Variants in ERBB4 observed in about 807,000 individuals in gnomAD.
The protein encoded by ERBB4 is receptor tyrosine-protein kinase erbB-4.
ERBB4 carries 42 observed loss-of-function variants against 158.0 expected under a neutral mutation model. The ratio of observed to expected loss-of-function variants is 0.27; its 90% CI spans 0.21 to 0.34. The LOEUF (loss-of-function observed/expected upper bound fraction) is 0.34. ERBB4 is among the 10% of genes least tolerant of loss of function. The pLI is 1.00. For synonymous variants in ERBB4, 583 were observed against 558.7 expected, an observed-to-expected ratio of 1.04 and a Z score of -0.61; for missense variants, 1,333 against 1,624.1, an observed-to-expected ratio of 0.82 and a Z score of 3.08.
At chr2:211,838,914 T>C (rs897995358) in intron 3 of ERBB4, among the ~76,000 whole-genome samples, 1 of 152,064 alleles carries the variant, frequency 6.6e-6, no homozygotes, top group South Asian at 2.1e-4. Context: ...AGCTATTTTC[T>C]AAGCATCCTA....
At chr2:212,136,565 C>T (rs1418009202) in intron 1 of ERBB4, among the ~76,000 whole-genome samples, 3 of 152,166 alleles carry the variant, frequency 2.0e-5, no homozygotes, top group Non-Finnish European at 4.4e-5. Flanking sequence ...AAACAAACTC[C>T]ATGAGGGGCA....
chr2:212,449,918 C>T (rs2092420810), intron 1 of ERBB4, among the ~76,000 whole-genome samples: 1 of 152,034 alleles, frequency 6.6e-6, no homozygotes, highest in Non-Finnish European at 1.5e-5. Context: ...TTTTTGTAAG[C>T]TTATTGTAAT....
At chr2:211,803,881 A>C (rs1422143920) in intron 3 of ERBB4, among the ~76,000 whole-genome samples, 1 of 152,208 alleles carries the variant, frequency 6.6e-6, no homozygotes, top group Non-Finnish European at 1.5e-5. Context: ...AAAGGGAGGC[A>C]GTTATACAGT....
chr2:212,473,941 G>A (rs975132609), intron 1 of ERBB4, among the ~76,000 whole-genome samples: 5 of 151,800 alleles, frequency 3.3e-5, no homozygotes, highest in African/African-American at 1.2e-4. Context: ...TCCTGAATAG[G>A]AAAAAAGGTG....
chr2:212,369,577 T>C (rs2106380145), intron 1 of ERBB4, among the ~76,000 whole-genome samples: 1 of 152,318 alleles, frequency 6.6e-6, no homozygotes, highest in African/African-American at 2.4e-5. Context: ...ATCTTACCAT[T>C]GCTTGTTTTA....
intron 3 of ERBB4, among the ~76,000 whole-genome samples, chr2:211,799,917 C>T (rs961842001): frequency 6.6e-6 from 1 of 152,094 alleles, no homozygotes; most frequent in Non-Finnish European, 1.5e-5. Context: ...TACTAGGCCA[C>T]GTTAAAATTC....
At chr2:211,856,360 T>A (rs946367962) in intron 3 of ERBB4, among the ~76,000 whole-genome samples, 3 of 89,520 alleles carry the variant, frequency 3.4e-5, no homozygotes, top group Non-Finnish European at 7.1e-5. Flanking sequence ...GCTAGTCTTG[T>A]AATTTCTATT....
At chr2:212,046,666 T>A (rs1220969099) in intron 2 of ERBB4, among the ~76,000 whole-genome samples, 1 of 152,202 alleles carries the variant, frequency 6.6e-6, no homozygotes, top group African/African-American at 2.4e-5. Flanking sequence ...ATTGTCTATT[T>A]GCCATTGCAA....
At chr2:211,882,522 G>T (rs1323950511) in intron 3 of ERBB4, among the ~76,000 whole-genome samples, 1 of 152,062 alleles carries the variant, frequency 6.6e-6, no homozygotes, top group Admixed American at 6.5e-5. Context: ...CTATAGTGAG[G>T]TTTGTTCTCA....
intron 13 of ERBB4, among the ~76,000 whole-genome samples, chr2:211,678,065 G>T (rs73080771): frequency 0.011 from 1,613 of 151,944 alleles, 32 homozygotes; most frequent in African/African-American, 0.037. Context: ...ATGCAACCAG[G>T]TACTTACTAG....
chr2:211,926,905 C>A (rs2125089693), intron 3 of ERBB4, among the ~76,000 whole-genome samples: 1 of 152,220 alleles, frequency 6.6e-6, no homozygotes, highest in Admixed American at 6.5e-5. Context: ...TCCTCAAAAG[C>A]TGTCCTATCC....
At chr2:212,267,853 T>C (rs1486860049) in intron 1 of ERBB4, among the ~76,000 whole-genome samples, 1 of 151,488 alleles carries the variant, frequency 6.6e-6, no homozygotes, top group Non-Finnish European at 1.5e-5. Flanking sequence ...CACTATTAGA[T>C]CTGGCACCAG....
chr2:211,794,579 CA>C (rs2076343647), intron 3 of ERBB4, among the ~76,000 whole-genome samples: 1 of 151,836 alleles, frequency 6.6e-6, no homozygotes, highest in Admixed American at 6.6e-5. Flanking sequence ...TTAGTGATAG[CA>C]TAATGTTAGT....
chr2:211,396,111 T>TATCA (rs1362984606), intron 25 of ERBB4, among the ~76,000 whole-genome samples: 1 of 152,132 alleles, frequency 6.6e-6, no homozygotes, highest in Non-Finnish European at 1.5e-5. Flanking sequence ...CCTTTTGTAC[T>TATCA]ATCAGCGAAG....
At chr2:212,103,957 T>C (rs1057397587) in intron 2 of ERBB4, among the ~76,000 whole-genome samples, 3 of 152,074 alleles carry the variant, frequency 2.0e-5, no homozygotes, top group East Asian at 3.8e-4. Flanking sequence ...TGTTTAAAGG[T>C]AAGTCATTGT....
intron 11 of ERBB4, among the ~76,000 whole-genome samples, chr2:211,703,040 T>C (rs1311772099): frequency 6.6e-6 from 1 of 152,136 alleles, no homozygotes; most frequent in Non-Finnish European, 1.5e-5. Context: ...ATTTTGGAGA[T>C]CAAAGCTTTC....
rs761028384 is a variant in ERBB4 at position 211,630,585 on chromosome 2, C to T, written c.1956G>A (p.Leu652=). 6.2e-7 allele frequency: 1 copy of T among 1,611,468 alleles called. No homozygotes were observed. The highest frequency in any genetic ancestry group is 8.5e-7 in the Non-Finnish European group (1 of 1,179,328). ...GCCCACCAATTACTCCAGCTGCAATCAGGGGAGTTCTGACAACCAGAATGA... is the reference window on the plus strand; with the variant it reads ...GCCCACCAATTACTCCAGCTGCAATTAGGGGAGTTCTGACAACCAGAATGA... ...STLPQHARTP[L]IAAGVIGGLF... Residue 652 remains leucine, a synonymous_variant, in exon 17 of 28, where the codon CTG becomes CTA. Coordinates refer to ENST00000342788, the MANE Select transcript of ERBB4 (RefSeq NM_005235.3).
chr2:211,851,784 A>T (rs1055359154), intron 3 of ERBB4, among the ~76,000 whole-genome samples: 2 of 151,986 alleles, frequency 1.3e-5, no homozygotes, highest in African/African-American at 4.8e-5. Context: ...TTCTTAGAAT[A>T]CAGAAATTTC....
intron 3 of ERBB4, among the ~76,000 whole-genome samples, chr2:211,883,405 C>A (rs2078714740): frequency 6.6e-6 from 1 of 151,830 alleles, no homozygotes; most frequent in Admixed American, 6.6e-5. Context: ...ATGTAACAAA[C>A]CTGCACGTTG....
Sources: allele counts gnomAD v4.1 joint callset (sites outside exome capture counted in the v4.1 genomes callset), GRCh38; gene constraint gnomAD v4.1.1; transcripts MANE v1.5; gene names NCBI Gene and HGNC (gene_info 2026-07-23, HGNC 2026-07-21).